The following WASHC4 variants were observed in gnomAD, a reference collection of about 807,000 sequenced individuals.
WASHC4 encodes the protein WASH complex subunit 4.
A neutral mutation model predicts 166.6 loss-of-function variants in WASHC4; 86 were observed. That is an observed-to-expected ratio of 0.52 (90% confidence interval 0.43 to 0.62). The LOEUF (loss-of-function observed/expected upper bound fraction) is 0.62, where lower values mean the gene tolerates loss of function less well. WASHC4 is among the 20% of genes least tolerant of loss of function. The pLI is 0.00. For missense variants in WASHC4, 1,262 were observed against 1,382.4 expected, an observed-to-expected ratio of 0.91 and a Z score of 1.38; for synonymous variants, 446 against 451.6, an observed-to-expected ratio of 0.99 and a Z score of 0.16.
intron 26 of WASHC4, among the ~76,000 whole-genome samples, chr12:105,154,033 C>CTTTT (rs34546795): frequency 7.2e-6 from 1 of 139,502 alleles, no homozygotes; most frequent in Non-Finnish European, 1.6e-5. Context: ...AATATAAATT[C>CTTTT]TTTTTTTTTT....
intron 13 of WASHC4, among the ~76,000 whole-genome samples, chr12:105,132,257 C>T (rs776844803): frequency 1.1e-4 from 17 of 152,200 alleles, no homozygotes; most frequent in Non-Finnish European, 1.0e-4. Context: ...CAATCTCTTC[C>T]GCCTCCCGGG....
Position 105,156,717 on chromosome 12 carries a change from G to GT in WASHC4, c.2759-4dup, listed in dbSNP as rs1566028027. On this transcript the variant is annotated splice_polypyrimidine_tract_variant and intron_variant, in intron 26 of 32. Transcript: ENST00000332180. ...TATAAATATCTGATTTTTTTGTGTG[G>GT]TTTTTAAGGTAATGCTATGGGCTAT... The GT allele has an allele frequency of 1.9e-6, 3 of 1,603,090 alleles. No individual in the cohort carries two copies. In the South Asian group the frequency reaches 3.3e-5, roughly 18 times the overall value.
At chr12:105,146,592 A>G (rs1192725852) in intron 23 of WASHC4, 66 bp downstream of exon 23, 2 of 856,914 alleles carry the variant, frequency 2.3e-6, no homozygotes, top group Non-Finnish European at 2.0e-6. Context: ...CTGAGGGGCA[A>G]GGAATTGATT....
chr12:105,112,911 A>T (rs1451982846), intron 2 of WASHC4, among the ~76,000 whole-genome samples: 1 of 152,190 alleles, frequency 6.6e-6, no homozygotes, highest in Non-Finnish European at 1.5e-5. Context: ...TTAAATAATG[A>T]ATATCAGGCA....
rs926750364 is a variant in WASHC4, at chr12:105,133,946, A to G, written c.1326+50A>G. ...TCATTTTTTTGTTAATCCAACTTACAGAAGTTAAACTTTGAAAAAACTGAA... is the reference window on the plus strand; with the variant it reads ...TCATTTTTTTGTTAATCCAACTTACGGAAGTTAAACTTTGAAAAAACTGAA... On this transcript the variant is annotated intron_variant, in intron 14 of 32. Coordinates refer to ENST00000332180, the MANE Select transcript of WASHC4 (RefSeq NM_015275.3). 3 of 1,575,416 alleles carry G rather than the reference A, an allele frequency of 1.9e-6. No homozygotes were observed. The East Asian group carries it at 6.8e-5, about 36-fold the overall frequency.
chr12:105,121,037 C>T (rs1281176663), intron 8 of WASHC4, 64 bp from the exon 9 acceptor site: 11 of 1,060,258 alleles, frequency 1.0e-5, no homozygotes, highest in East Asian at 2.4e-5. Context: ...TTACTTTAAA[C>T]GTCTACATGA....
At chr12:105,109,229 C>G (rs1489298005) in intron 1 of WASHC4, among the ~76,000 whole-genome samples, 2 of 151,952 alleles carry the variant, frequency 1.3e-5, no homozygotes, top group African/African-American at 4.8e-5. Flanking sequence ...TGAACTGTAC[C>G]TTGTCATATA....
intron 20 of WASHC4, among the ~76,000 whole-genome samples, chr12:105,143,953 G>C (rs1429396081): frequency 6.8e-6 from 1 of 146,218 alleles, no homozygotes; most frequent in Non-Finnish European, 1.5e-5. Context: ...AATGAATTTT[G>C]TGATTTTTTT....
rs548971333 is a variant in WASHC4, at chr12:105,167,012, T to G, written c.*81T>G. 536 of 921,830 alleles carry G rather than the reference T, an allele frequency of 5.8e-4. 6 individuals are homozygous for G. In the South Asian group the frequency reaches 6.7e-3, roughly 12 times the overall value. The allele number at this position is 921,830 out of a possible 1,614,324, so 57.1% of individuals were successfully genotyped here. ...GCCAGTGGAATGGATAAACTATTGA[T>G]GAATTGTTTCCTGGGTCACATCTCT... On this transcript the variant is annotated 3_prime_UTR_variant, in exon 33 of 33. Transcript: ENST00000332180.
chr12:105,159,869 GAA>G (rs1186534552), intron 28 of WASHC4, 130 bp from the exon 29 acceptor site: 34 of 780,130 alleles, frequency 4.4e-5, no homozygotes, highest in Non-Finnish European at 7.0e-5. Context: ...TGAACTCCAA[GAA>G]AATTTTCTTA....
In WASHC4 at chr12:105,166,935, G is replaced by A. The variant is rs746504177; in HGVS notation, c.*4G>A. 1.3e-5 allele frequency: 20 copies of A among 1,583,448 alleles called. No individual in the cohort carries two copies. In the Admixed American group the frequency reaches 2.0e-4, roughly 16 times the overall value. The stretch of plus-strand genomic sequence containing the variant: ...TGCTGATCCTGTTGTGAAATGATAC[G>A]GATGGTATTCACTGCACATATGATG... On this transcript the variant is annotated 3_prime_UTR_variant, in exon 33 of 33. Transcript: ENST00000332180.
intron 30 of WASHC4, among the ~76,000 whole-genome samples, chr12:105,163,654 G>A (rs891533337): frequency 1.3e-5 from 2 of 151,818 alleles, no homozygotes; most frequent in Non-Finnish European, 2.9e-5. Flanking sequence ...GGCATGCATC[G>A]CCACATCTGG....
chr12:105,144,319 G>T lies in WASHC4; in HGVS notation c.2043G>T (p.Glu681Asp). 1 of 1,613,012 alleles carries T rather than the reference G, an allele frequency of 6.2e-7. No homozygotes were observed. Among genetic ancestry groups the T allele is most frequent in the Non-Finnish European group, 8.5e-7 (1 of 1,179,358 alleles). The change falls in exon 21 of 33, where the codon GAG (glutamate) becomes GAT (aspartate). Residue 681 changes from glutamate to aspartate, a missense_variant. Coordinates refer to ENST00000332180, the MANE Select transcript of WASHC4 (RefSeq NM_015275.3). Reference sequence around the variant, plus strand: ...TGGACAAATTATGCAAAGAAATAGAGAAAGATCTGCGACTTTCTGTGCATA... The same window carrying T: ...TGGACAAATTATGCAAAGAAATAGATAAAGATCTGCGACTTTCTGTGCATA... ...HLLDKLCKEI[E>D]KDLRLSVHTH...
rs577015815 is a variant in WASHC4 at position 105,114,548 on chromosome 12, G to A, written c.321+121G>A. ...ATGTTGAATGAATTATTTATTTAAC[G>A]TAATACTAATACGGACTACCATTCA... On this transcript the variant is annotated intron_variant, in intron 4 of 32. Coordinates refer to ENST00000332180, the MANE Select transcript of WASHC4 (RefSeq NM_015275.3). 735 of 739,792 alleles carry A rather than the reference G, an allele frequency of 9.9e-4. 4 individuals are homozygous for A. Among genetic ancestry groups the A allele is most frequent in the African/African-American group, 8.1e-3 (462 of 56,872 alleles). 45.8% of individuals were successfully genotyped at this position (739,792 alleles called of 1,614,324 possible). A position where few individuals can be genotyped will look rare whatever the true frequency, so the allele number is the denominator to read the frequency against.
intron 6 of WASHC4, among the ~76,000 whole-genome samples, chr12:105,116,419 T>G (rs1394269559): frequency 1.3e-5 from 2 of 152,190 alleles, no homozygotes; most frequent in African/African-American, 2.4e-5. Flanking sequence ...GAGAGCATTT[T>G]GTTCATATTG....
At position 105,107,759 on chromosome 12, in the gene WASHC4, C is replaced by A. The variant is rs1244816309; in HGVS notation, c.-42C>A. ...AGCTGGGGTGAGGCCGTCGTCGCCG[C>A]ACGGGCTGGTTGGGGCTGTGTCTGT... On this transcript the variant is annotated 5_prime_UTR_variant, in exon 1 of 33. Coordinates refer to ENST00000332180, the MANE Select transcript of WASHC4 (RefSeq NM_015275.3). 2.7e-6 allele frequency: 4 copies of A among 1,480,250 alleles called. No individual in the cohort carries two copies. The Admixed American group carries it at 7.9e-5, about 29-fold the overall frequency. 91.7% of individuals were successfully genotyped at this position (1,480,250 alleles called of 1,614,324 possible).
At chr12:105,120,953 G>C (rs1406246225) in intron 8 of WASHC4, 148 bp from the exon 9 acceptor site, 2 of 662,980 alleles carry the variant, frequency 3.0e-6, no homozygotes, top group African/African-American at 3.6e-5. Flanking sequence ...AGTCCTTTCT[G>C]AGGATCCAAC....
At position 105,164,259 on chromosome 12, in the gene WASHC4, C is replaced by A. The variant is rs61733563; in HGVS notation, c.3306C>A (p.Leu1102=). The A allele has an allele frequency of 1.1e-3, 1,730 of 1,614,034 alleles. 18 individuals are homozygous for A. In the African/African-American group the frequency reaches 0.021, roughly 19 times the overall value. The change falls in exon 31 of 33, where the codon CTC becomes CTA. Residue 1102 remains leucine, a synonymous_variant. Transcript: ENST00000332180. ...NVQSASQDEK[L]LQTMNLTQKR... is the part of the protein sequence containing the mutation. The stretch of plus-strand genomic sequence containing the variant: ...AGTCAGCCAGTCAAGATGAAAAACT[C>A]TTACAAACCATGAATCTCACTCAGA...
Position 105,161,386 on chromosome 12 carries a change from T to C in WASHC4, c.3060+1238T>C, listed in dbSNP as rs144709749. On this transcript the variant is annotated intron_variant, in intron 29 of 32. Coordinates refer to ENST00000332180, the MANE Select transcript of WASHC4 (RefSeq NM_015275.3). ...AGAATCTTTTCATCTTAAGATAGTG[T>C]CAAACTGGAGGGAGAGTGTCATATT... is the stretch of plus-strand genomic sequence containing the variant. Among the ~76,000 whole-genome samples, 1,464 of 152,312 alleles carry C rather than the reference T, an allele frequency of 9.6e-3. 12 individuals carry two copies. Among genetic ancestry groups the C allele is most frequent in the Non-Finnish European group, 0.014 (979 of 68,030 alleles).
Sources: allele counts gnomAD v4.1 joint callset (sites outside exome capture counted in the v4.1 genomes callset), GRCh38; gene constraint gnomAD v4.1.1; transcripts MANE v1.5; gene names NCBI Gene and HGNC (gene_info 2026-07-23, HGNC 2026-07-21).